SGCD: variants seen among roughly 807,000 people sequenced by gnomAD.
The protein encoded by SGCD is delta-sarcoglycan.
SGCD carries 18 observed loss-of-function variants against 36.6 expected under a neutral mutation model. The observed-to-expected ratio is 0.49, with a 90% CI of 0.34 to 0.73. SGCD has a LOEUF of 0.73. SGCD is among the 30% of genes least tolerant of loss of function. SGCD has a pLI of 0.01. For synonymous variants in SGCD, 133 were observed against 130.6 expected, an observed-to-expected ratio of 1.02 and a Z score of -0.12; for missense variants, 387 against 346.7, an observed-to-expected ratio of 1.12 and a Z score of -0.92.
chr5:155,775,911 A>G, the SGCD span, among the ~76,000 whole-genome samples: 4 of 152,164 alleles, frequency 2.6e-5, no homozygotes, highest in South Asian at 2.1e-4. Context: ...AGGGGATTCA[A>G]TCTGGGTCAT....
rs555000611 is a variant in SGCD at position 156,446,441 on chromosome 5, A to C, written c.193-62160A>C. Among the ~76,000 whole-genome samples the C allele has an allele frequency of 3.9e-5, 6 of 152,154 alleles. No homozygotes were observed. The East Asian group carries it at 1.2e-3, about 29-fold the overall frequency. On this transcript the variant is annotated intron_variant, in intron 3 of 8. Coordinates refer to ENST00000337851, the MANE Select transcript of SGCD (RefSeq NM_000337.6). ...GATGGCTGAAGAGAACTGGACTAGG[A>C]TATTATTGTAGTGAGAAGCAGGGGT...
intron 7 of SGCD, among the ~76,000 whole-genome samples, chr5:156,730,603 T>C: frequency 6.6e-6 from 1 of 152,192 alleles, no homozygotes; most frequent in Non-Finnish European, 1.5e-5. Context: ...ATGTTCCACG[T>C]TTTCTTTATC....
intron 3 of SGCD, among the ~76,000 whole-genome samples, chr5:156,184,691 A>G (rs932947251): frequency 6.6e-6 from 1 of 152,034 alleles, no homozygotes; most frequent in Non-Finnish European, 1.5e-5. Flanking sequence ...CCCTACCACC[A>G]CCTCCTTATT....
At position 156,193,526 on chromosome 5, in the gene SGCD, T is replaced by A. The variant is rs114887428; in HGVS notation, c.-44+69507T>A. Among the ~76,000 whole-genome samples, 618 of 152,296 alleles carry A rather than the reference T, an allele frequency of 4.1e-3. 5 individuals carry two copies. The highest frequency in any genetic ancestry group is 0.014 in the African/African-American group (594 of 41,578). ...TTCCTTCTGCACAGCTGATATGTCC[T>A]AACATGTCTACCCTCCTTACGGGCC... On this transcript the variant is annotated intron_variant, in intron 3 of 9. Transcript: ENST00000517913.
intron 6 of SGCD, among the ~76,000 whole-genome samples, chr5:156,633,137 C>A (rs1361029102): frequency 6.6e-6 from 1 of 152,176 alleles, no homozygotes; most frequent in African/African-American, 2.4e-5. Flanking sequence ...ACATGGCTGC[C>A]AGCCCCAAAC....
chr5:156,374,309 A>ATAACTAGG (rs1341897744), intron 3 of SGCD, among the ~76,000 whole-genome samples: 1 of 152,214 alleles, frequency 6.6e-6, no homozygotes, highest in Non-Finnish European at 1.5e-5. Flanking sequence ...CTTGATCACA[A>ATAACTAGG]TAACTAGGGT....
At chr5:155,912,822 T>G (rs1483224324) in intron 1 of SGCD, among the ~76,000 whole-genome samples, 1 of 151,670 alleles carries the variant, frequency 6.6e-6, no homozygotes, top group Non-Finnish European at 1.5e-5. Context: ...CTTCCTAAAT[T>G]TATATTTCTA....
intron 1 of SGCD, among the ~76,000 whole-genome samples, chr5:156,029,264 A>G (rs1367527118): frequency 6.6e-5 from 10 of 152,206 alleles, no homozygotes; most frequent in Non-Finnish European, 8.8e-5. Context: ...AATGGAGTCA[A>G]ATACACTTTC....
chr5:156,595,107 A>G, intron 6 of SGCD, 56 bp downstream of exon 6: 1 of 1,549,986 alleles, frequency 6.5e-7, no homozygotes, highest in Non-Finnish European at 8.7e-7. Flanking sequence ...ATTTTAGAGG[A>G]GAAGCAAAAT....
intron 3 of SGCD, among the ~76,000 whole-genome samples, chr5:156,195,713 T>C (rs1337269898): frequency 6.6e-6 from 1 of 152,194 alleles, no homozygotes; most frequent in African/African-American, 2.4e-5. Flanking sequence ...GTGGCTGGGA[T>C]TGGGCAAACC....
intron 6 of SGCD, among the ~76,000 whole-genome samples, chr5:156,636,396 A>G (rs768176296): frequency 2.0e-4 from 30 of 152,212 alleles, no homozygotes; most frequent in Non-Finnish European, 3.4e-4. Context: ...CTAGAAAAGT[A>G]CAAAGACTCC....
intron 3 of SGCD, among the ~76,000 whole-genome samples, chr5:156,310,699 A>T (rs889019354): frequency 2.6e-5 from 4 of 152,170 alleles, no homozygotes; most frequent in Admixed American, 2.0e-4. Flanking sequence ...TTCTCTATTT[A>T]TTTTTGTGTG....
upstream of SGCD, among the ~76,000 whole-genome samples, chr5:156,324,880 G>A (rs7729633): frequency 0.047 from 7,198 of 152,178 alleles, 318 homozygotes; most frequent in African/African-American, 0.11. Context: ...TTTAGAATTT[G>A]CAGCAGCTAT....
At chr5:156,006,197 C>A (rs1758758926) in intron 1 of SGCD, among the ~76,000 whole-genome samples, 1 of 152,180 alleles carries the variant, frequency 6.6e-6, no homozygotes, top group Non-Finnish European at 1.5e-5. Context: ...ATTTTGATCA[C>A]ATGTAGGACC....
At chr5:155,852,025 T>C in the SGCD span, among the ~76,000 whole-genome samples, 4 of 152,342 alleles carry the variant, frequency 2.6e-5, no homozygotes, top group Admixed American at 2.6e-4. Context: ...GCCTGGAACA[T>C]GATAGGAGCT....
At chr5:156,204,672 A>T (rs543044197) in intron 3 of SGCD, among the ~76,000 whole-genome samples, 1 of 152,194 alleles carries the variant, frequency 6.6e-6, no homozygotes, top group South Asian at 2.1e-4. Context: ...TATCTCATGA[A>T]ATTGTTGTGA....
chr5:156,398,500 C>A (rs187462302), intron 3 of SGCD, among the ~76,000 whole-genome samples: 1 of 152,236 alleles, frequency 6.6e-6, no homozygotes, highest in East Asian at 1.9e-4. Flanking sequence ...AAACAAACTT[C>A]TTTCTTTATA....
intron 3 of SGCD, among the ~76,000 whole-genome samples, chr5:156,196,717 A>T (rs940075216): frequency 3.3e-5 from 5 of 152,212 alleles, no homozygotes; most frequent in African/African-American, 1.2e-4. Context: ...GAGCAAACAT[A>T]AATAATGTAT....
chr5:156,409,199 CATTA>C (rs1354644353), intron 3 of SGCD, among the ~76,000 whole-genome samples: 1 of 152,158 alleles, frequency 6.6e-6, no homozygotes, highest in Non-Finnish European at 1.5e-5. Context: ...CCTCACCACC[CATTA>C]ATTCACTCCT....
Sources: allele counts gnomAD v4.1 joint callset (sites outside exome capture counted in the v4.1 genomes callset), GRCh38; gene constraint gnomAD v4.1.1; transcripts MANE v1.5; gene names NCBI Gene and HGNC (gene_info 2026-07-23, HGNC 2026-07-21).